MYO3B: variants seen among roughly 807,000 people sequenced by gnomAD.
MYO3B encodes the protein myosin IIIB.
MYO3B carries 156 observed loss-of-function variants against 174.6 expected under a neutral mutation model. That is an observed-to-expected ratio of 0.89 (90% CI 0.78 to 1.02). The LOEUF is 1.02. MYO3B is among the 50% of genes least tolerant of loss of function. The pLI is 0.00. For synonymous variants in MYO3B, 563 were observed against 569.1 expected (o/e 0.99, Z 0.15); for missense variants, 1,632 against 1,639.4 (o/e 1.00, Z 0.08).
Position 170,400,938 on chromosome 2 carries a change from T to TA in MYO3B, c.1919-536dup, listed in dbSNP as rs553044155. The stretch of plus-strand genomic sequence containing the variant: ...CAGTGGTTTTTAACCTTGGCTGTTT[T>TA]AAAAAAATCATCTACAAACTGAAAA... On this transcript the variant is annotated intron_variant, in intron 17 of 34. Coordinates refer to ENST00000408978, the MANE Select transcript of MYO3B (RefSeq NM_138995.5). Among the ~76,000 whole-genome samples the TA allele has an allele frequency of 4.6e-5, 7 of 152,126 alleles. No individual in the cohort carries two copies. The South Asian group carries it at 1.0e-3, about 23-fold the overall frequency.
intron 28 of MYO3B, among the ~76,000 whole-genome samples, chr2:170,502,196 T>C (rs961386932): frequency 6.6e-6 from 1 of 152,178 alleles, no homozygotes; most frequent in Non-Finnish European, 1.5e-5. Flanking sequence ...AGCCAGCATT[T>C]GAACACAGGC....
intron 28 of MYO3B, among the ~76,000 whole-genome samples, chr2:170,505,475 A>G (rs16858654): frequency 0.052 from 7,921 of 152,248 alleles, 673 homozygotes; most frequent in African/African-American, 0.18. Context: ...CTAAGTAAAA[A>G]CTAACAGTGA....
chr2:170,318,362 T>G (rs75056658), intron 7 of MYO3B, among the ~76,000 whole-genome samples: 1,574 of 152,316 alleles, frequency 0.01, 24 homozygotes, highest in African/African-American at 0.036. Flanking sequence ...CTTTCTAAAT[T>G]ATTCCACTGA....
chr2:170,222,593 G>T (rs1376567561), intron 6 of MYO3B, among the ~76,000 whole-genome samples: 3 of 152,058 alleles, frequency 2.0e-5, no homozygotes, highest in Non-Finnish European at 2.9e-5. Flanking sequence ...TTTTCTCTGT[G>T]TGTCTTCACA....
At chr2:170,280,793 C>T (rs1005248063) in intron 7 of MYO3B, among the ~76,000 whole-genome samples, 5 of 151,870 alleles carry the variant, frequency 3.3e-5, no homozygotes, top group African/African-American at 7.3e-5. Flanking sequence ...CATAGGTGTG[C>T]GGCCTTATTT....
At chr2:170,601,071 C>T (rs1237800870) in intron 32 of MYO3B, among the ~76,000 whole-genome samples, 19 of 152,148 alleles carry the variant, frequency 1.2e-4, no homozygotes, top group Non-Finnish European at 1.5e-5. Context: ...AAAGGATAAA[C>T]ACTGTAATAA....
At chr2:170,226,622 G>A (rs528912582) in intron 6 of MYO3B, among the ~76,000 whole-genome samples, 29 of 152,242 alleles carry the variant, frequency 1.9e-4, no homozygotes, top group African/African-American at 6.3e-4. Context: ...GTGTGGAGGC[G>A]GGGGGCTGAT....
chr2:170,181,333 GT>G (rs2092395882), intron 1 of MYO3B, among the ~76,000 whole-genome samples: 1 of 152,070 alleles, frequency 6.6e-6, no homozygotes, highest in East Asian at 1.9e-4. Flanking sequence ...TTCTAGTAAT[GT>G]TTTTATAAAT....
chr2:170,461,245 C>T (rs539607854), intron 23 of MYO3B, among the ~76,000 whole-genome samples: 7 of 152,034 alleles, frequency 4.6e-5, no homozygotes, highest in South Asian at 2.1e-4. Context: ...GAGGCCGAGG[C>T]GGGTGGATCA....
intron 8 of MYO3B, among the ~76,000 whole-genome samples, chr2:170,349,171 C>T (rs946276794): frequency 2.6e-5 from 4 of 152,284 alleles, no homozygotes; most frequent in Admixed American, 1.3e-4. Context: ...AAACTCCCTG[C>T]ACATTCTAGA....
At chr2:170,400,837 C>T (rs57598990) in intron 17 of MYO3B, among the ~76,000 whole-genome samples, 4,451 of 147,912 alleles carry the variant, frequency 0.03, 192 homozygotes, top group East Asian at 0.23. Flanking sequence ...GTGTTTTTTT[C>T]TTTTTTTTTT....
At position 170,491,453 on chromosome 2, in the gene MYO3B, C is replaced by T. The variant is rs937321380; in HGVS notation, c.3015-7139C>T. On this transcript the variant is annotated intron_variant, in intron 25 of 34. Coordinates refer to ENST00000408978, the MANE Select transcript of MYO3B (RefSeq NM_138995.5). ...AATTAACTTTTTTTTTATTTTAAGA[C>T]GGAGTCTCTGTCGACAGGCTGGAGT... 6.0e-5 allele frequency among the ~76,000 whole-genome samples: 6 copies of T among 100,542 alleles called. No individual in the cohort carries two copies. In the South Asian group the frequency reaches 9.6e-4, roughly 16 times the overall value. The allele number at this position is 100,542 out of a possible 152,430, so 66.0% of individuals were successfully genotyped here. A position where few individuals can be genotyped will look rare whatever the true frequency, so the allele number is the denominator to read the frequency against.
chr2:170,424,747 G>A (rs186374959), intron 22 of MYO3B, among the ~76,000 whole-genome samples: 3 of 152,246 alleles, frequency 2.0e-5, no homozygotes, highest in Admixed American at 2.0e-4. Flanking sequence ...TTCTCTTATA[G>A]GTCCTGAATA....
chr2:170,580,718 A>ATG (rs59092368), intron 32 of MYO3B, among the ~76,000 whole-genome samples: 9,105 of 142,688 alleles, frequency 0.064, 333 homozygotes, highest in Middle Eastern at 0.11. Flanking sequence ...AACCTTATAT[A>ATG]TGTGTGTGTG....
chr2:170,479,352 CTATA>C (rs1244530676), intron 25 of MYO3B, among the ~76,000 whole-genome samples: 1 of 142,712 alleles, frequency 7.0e-6, no homozygotes, highest in African/African-American at 2.5e-5. Context: ...TATATAAAAC[CTATA>C]TATTTATATA....
At chr2:170,469,115 G>A (rs147018182) in intron 25 of MYO3B, among the ~76,000 whole-genome samples, 3 of 152,114 alleles carry the variant, frequency 2.0e-5, no homozygotes, top group Admixed American at 2.0e-4. Context: ...CAGCCAGGGC[G>A]ACGGAGTGAG....
chr2:170,453,017 G>A (rs770579400), intron 23 of MYO3B, among the ~76,000 whole-genome samples: 64 of 152,322 alleles, frequency 4.2e-4, no homozygotes, highest in African/African-American at 1.4e-3. Context: ...AGGCTTTAAA[G>A]TGCTTAAGAT....
chr2:170,549,407 C>A, intron 32 of MYO3B, among the ~76,000 whole-genome samples: 1 of 152,182 alleles, frequency 6.6e-6, no homozygotes, highest in East Asian at 1.9e-4. Flanking sequence ...AACCTGGCAT[C>A]AGGCATTAGT....
intron 7 of MYO3B, among the ~76,000 whole-genome samples, chr2:170,317,004 T>C (rs1158280868): frequency 2.6e-5 from 4 of 152,168 alleles, no homozygotes; most frequent in African/African-American, 4.8e-5. Flanking sequence ...TGGAGTGTCA[T>C]TTGTATTGCA....
Sources: allele counts gnomAD v4.1 joint callset (sites outside exome capture counted in the v4.1 genomes callset), GRCh38; gene constraint gnomAD v4.1.1; transcripts MANE v1.5; gene names NCBI Gene and HGNC (gene_info 2026-07-23, HGNC 2026-07-21).